IQSEC1: variants seen among roughly 807,000 people sequenced by gnomAD.
IQSEC1 encodes IQ motif and Sec7 domain ArfGEF 1.
IQSEC1 carries 31 observed loss-of-function variants against 91.0 expected under a neutral mutation model. The ratio of observed to expected loss-of-function variants is 0.34; its 90% confidence interval spans 0.26 to 0.46. The LOEUF is 0.46. IQSEC1 is among the 20% of genes least tolerant of loss of function. The pLI is 1.00. For synonymous variants in IQSEC1, 699 were observed against 662.6 expected (o/e 1.05, Z -0.84); for missense variants, 1,388 against 1,575.6 (o/e 0.88, Z 2.02).
Position 12,973,733 on chromosome 3 carries a change from CA to C in IQSEC1, c.24-31869del, listed in dbSNP as rs771695630. Among the ~76,000 whole-genome samples the C allele has an allele frequency of 9.2e-5, 14 of 152,186 alleles. 1 individual carries two copies. Among genetic ancestry groups the C allele is most frequent in the Non-Finnish European group, 1.6e-4 (11 of 68,040 alleles). ...AATATATACACCTACTGTGTACCCA[CA>C]AAAATTAAAAATTAAATAAACAAAG... On this transcript the variant is annotated intron_variant, in intron 1 of 13. Coordinates refer to ENST00000613206, the MANE Select transcript of IQSEC1 (RefSeq NM_001134382.3).
intron 1 of IQSEC1, among the ~76,000 whole-genome samples, chr3:13,196,722 G>A (rs142109374): frequency 8.6e-5 from 13 of 151,526 alleles, no homozygotes; most frequent in African/African-American, 1.2e-4. Context: ...CCTGGCATGC[G>A]CGTGCGTGTG....
chr3:12,995,131 C>T (rs1413039470), intron 1 of IQSEC1: 1 of 152,226 alleles, frequency 6.6e-6, no homozygotes, highest in Non-Finnish European at 1.5e-5. Flanking sequence ...GCGATTGGGA[C>T]GAGGCGCCCC....
chr3:13,011,573 C>G (rs1435792530), intron 1 of IQSEC1, among the ~76,000 whole-genome samples: 1 of 152,220 alleles, frequency 6.6e-6, no homozygotes, highest in Non-Finnish European at 1.5e-5. Flanking sequence ...CCTTTCTCAA[C>G]TGTGTGCGAA....
At position 12,908,675 on chromosome 3, in the gene IQSEC1, C is replaced by T. The variant is rs1695254208; in HGVS notation, c.2579-150G>A. The T allele has an allele frequency of 5.0e-6, 4 of 802,510 alleles. No homozygotes were observed. Among genetic ancestry groups the T allele is most frequent in the Non-Finnish European group, 6.0e-6 (3 of 501,098 alleles). The allele number at this position is 802,510 out of a possible 1,614,324, so 49.7% of individuals were successfully genotyped here. A position where few individuals can be genotyped will look rare whatever the true frequency, so the allele number is the denominator to read the frequency against. ...TTTCTGGGAAAGAGGGTGTGATGGCCACCCTGGACAAAAGAGCAGAAAGGA... is the reference window on the plus strand; with the variant it reads ...TTTCTGGGAAAGAGGGTGTGATGGCTACCCTGGACAAAAGAGCAGAAAGGA... On this transcript the variant is annotated intron_variant, in intron 11 of 13. Transcript: ENST00000613206. The surrounding 1 kb of genome is among the most constrained non-coding windows in gnomAD (Gnocchi z 4.9).
chr3:13,172,010 G>A (rs1262401857), intron 1 of IQSEC1, among the ~76,000 whole-genome samples: 1 of 152,218 alleles, frequency 6.6e-6, no homozygotes, highest in African/African-American at 2.4e-5. Flanking sequence ...GCTAAGCTCA[G>A]TGCAGAGCGG....
chr3:13,069,989 G>A (rs1705360099), intron 1 of IQSEC1, among the ~76,000 whole-genome samples: 1 of 151,874 alleles, frequency 6.6e-6, no homozygotes, highest in Admixed American at 6.6e-5. Context: ...GATGGACTGA[G>A]CCCTGACCGG....
chr3:13,164,439 A>G (rs1260869088), intron 1 of IQSEC1, among the ~76,000 whole-genome samples: 1 of 152,162 alleles, frequency 6.6e-6, no homozygotes, highest in East Asian at 1.9e-4. Context: ...GTCAAGAGCA[A>G]AGCCAGAGGA....
At chr3:13,139,295 T>C (rs540787192) in intron 2 of IQSEC1, among the ~76,000 whole-genome samples, 1 of 152,350 alleles carries the variant, frequency 6.6e-6, no homozygotes, top group African/African-American at 2.4e-5. Context: ...TGCATTGCTT[T>C]ATTATTTTGT....
chr3:13,144,300 C>T (rs988322547), intron 2 of IQSEC1, among the ~76,000 whole-genome samples: 13 of 152,214 alleles, frequency 8.5e-5, no homozygotes, highest in East Asian at 5.8e-4. Flanking sequence ...GCCTAGAAAG[C>T]CGTGTGCTGT....
In IQSEC1 at chr3:13,276,080, CTTTTTTTTTT is replaced by C. The variant is rs796663192; in HGVS notation, c.272+6621_272+6630del. On this transcript the variant is annotated intron_variant, in intron 1 of 15. Transcript: ENST00000648114. ...AGGGAAAACAATCCTCAAAAGCATT[CTTTTTTTTTT>C]TTTTTTTTTTTTTTTTGAGACAGAG... Among the ~76,000 whole-genome samples the C allele has an allele frequency of 1.1e-4, 9 of 79,552 alleles. No individual in the cohort carries two copies. The East Asian group carries it at 2.6e-3, about 23-fold the overall frequency. 52.2% of individuals were successfully genotyped at this position (79,552 alleles called of 152,430 possible).
Position 13,211,928 on chromosome 3 carries a change from C to T in IQSEC1, c.273-47795G>A, listed in dbSNP as rs1042933841. On this transcript the variant is annotated intron_variant, in intron 1 of 15. Coordinates refer to the IQSEC1 transcript ENST00000648114. This position sits in a 1 kb window ranked among gnomAD's most constrained non-coding sequence, Gnocchi z 5.3. Reference sequence around the variant, plus strand: ...GTGGCCAGAGGACCCGAAACCCCCACGGCCCTGTGTTTTTGAGCCCCTGTG... The same window carrying T: ...GTGGCCAGAGGACCCGAAACCCCCATGGCCCTGTGTTTTTGAGCCCCTGTG... Among the ~76,000 whole-genome samples, 10 of 152,242 alleles carry T rather than the reference C, an allele frequency of 6.6e-5. No homozygotes were observed. The highest frequency in any genetic ancestry group is 1.9e-4 in the East Asian group (1 of 5,204).
At chr3:13,136,669 G>A (rs954111896) in intron 2 of IQSEC1, among the ~76,000 whole-genome samples, 5 of 152,324 alleles carry the variant, frequency 3.3e-5, no homozygotes, top group East Asian at 3.9e-4. Flanking sequence ...GCAAGGATGC[G>A]CCACCTCCCG....
At chr3:12,959,656 C>T (rs889060435) in intron 1 of IQSEC1, among the ~76,000 whole-genome samples, 5 of 152,144 alleles carry the variant, frequency 3.3e-5, no homozygotes, top group Non-Finnish European at 4.4e-5. Context: ...CCCAAGCACC[C>T]GCCCCAGTGA....
At chr3:13,003,914 C>T (rs1702529448) in intron 1 of IQSEC1, among the ~76,000 whole-genome samples, 1 of 152,152 alleles carries the variant, frequency 6.6e-6, no homozygotes. Flanking sequence ...ATCTCAAATG[C>T]TTCTAAGGGA....
Position 13,103,842 on chromosome 3 carries a change from A to G in IQSEC1, c.303-56320T>C, listed in dbSNP as rs1706104421. ...GCTCTCTCCCCAGCGTGCGGCACATAGTAGGTGCTCAGTAAGTCACTAAAT... is the reference window on the plus strand; with the variant it reads ...GCTCTCTCCCCAGCGTGCGGCACATGGTAGGTGCTCAGTAAGTCACTAAAT... On this transcript the variant is annotated intron_variant, in intron 2 of 15. Transcript: ENST00000648114. The surrounding 1 kb of genome is among the most constrained non-coding windows in gnomAD (Gnocchi z 4.1). 2.6e-5 allele frequency among the ~76,000 whole-genome samples: 4 copies of G among 152,298 alleles called. No individual in the cohort carries two copies. The highest frequency in any genetic ancestry group is 2.6e-4 in the Admixed American group (4 of 15,306).
chr3:13,040,897 G>C (rs1704236198), intron 1 of IQSEC1, among the ~76,000 whole-genome samples: 1 of 152,194 alleles, frequency 6.6e-6, no homozygotes, highest in African/African-American at 2.4e-5. Context: ...TGCCTGGCTA[G>C]CTGAGCCCTG....
At chr3:12,973,530 A>G (rs1701010185) in intron 1 of IQSEC1, among the ~76,000 whole-genome samples, 1 of 152,150 alleles carries the variant, frequency 6.6e-6, no homozygotes, top group Non-Finnish European at 1.5e-5. Context: ...TGTCCTGTGT[A>G]ACTGGCCTGG....
intron 1 of IQSEC1, among the ~76,000 whole-genome samples, chr3:13,180,803 T>C (rs1445878855): frequency 6.6e-6 from 1 of 151,388 alleles, no homozygotes; most frequent in East Asian, 1.9e-4. Flanking sequence ...GCTTCACTCC[T>C]GAGCCAGCGA....
intron 12 of IQSEC1, among the ~76,000 whole-genome samples, chr3:12,903,979 A>C (rs1447036945): frequency 1.3e-5 from 2 of 151,960 alleles, no homozygotes; most frequent in Non-Finnish European, 2.9e-5. Flanking sequence ...TAACTTGGCC[A>C]TGCTGCCTTC....
Sources: gnomAD v4.1 joint callset for allele counts (sites outside exome capture counted in the v4.1 genomes callset) on GRCh38, gnomAD v4.1.1 for gene constraint, Gnocchi (gnomAD v3.1) non-coding constraint, MANE v1.5 for transcripts, NCBI Gene and HGNC (gene_info 2026-07-23, HGNC 2026-07-21) for gene names.